ADAMTSL1: variants seen among roughly 807,000 people sequenced by gnomAD.
ADAMTSL1 encodes the protein ADAMTS-like protein 1.
A neutral mutation model predicts 201.8 loss-of-function variants in ADAMTSL1; 126 were observed. The ratio of observed to expected loss-of-function variants is 0.62; its 90% confidence interval spans 0.54 to 0.72. The LOEUF (loss-of-function observed/expected upper bound fraction) is 0.72, where lower values mean the gene tolerates loss of function less well. ADAMTSL1 is among the 30% of genes least tolerant of loss of function. The pLI, the probability that ADAMTSL1 is intolerant of heterozygous loss-of-function variation, is 0.00. For synonymous variants in ADAMTSL1, 1,121 were observed against 903.4 expected (o/e 1.24, Z -4.32); for missense variants, 2,679 against 2,277.8 (o/e 1.18, Z -3.59).
At chr9:18,526,409 C>A (rs1303761243) in intron 2 of ADAMTSL1, among the ~76,000 whole-genome samples, 5 of 152,154 alleles carry the variant, frequency 3.3e-5, no homozygotes, top group African/African-American at 1.2e-4. Context: ...CAGTCTGTGT[C>A]TTTTAATTGG....
intron 19 of ADAMTSL1, among the ~76,000 whole-genome samples, chr9:18,791,759 G>A (rs565715999): frequency 2.6e-5 from 4 of 152,258 alleles, no homozygotes; most frequent in African/African-American, 7.2e-5. Context: ...TATGTATATA[G>A]TGTTTATGGA....
intron 4 of ADAMTSL1, among the ~76,000 whole-genome samples, chr9:18,585,769 C>A (rs1823447509): frequency 1.3e-5 from 2 of 152,122 alleles, no homozygotes; most frequent in African/African-American, 4.8e-5. Flanking sequence ...AGCAACTAGG[C>A]TTTATCCCAG....
At chr9:18,413,404 A>G (rs1327675569) in intron 2 of ADAMTSL1, among the ~76,000 whole-genome samples, 2 of 152,032 alleles carry the variant, frequency 1.3e-5, no homozygotes, top group African/African-American at 2.4e-5. Context: ...ACCTCAGGTG[A>G]TCCACCCGCC....
intron 6 of ADAMTSL1, among the ~76,000 whole-genome samples, chr9:18,638,067 A>G (rs1726042402): frequency 6.6e-6 from 1 of 152,020 alleles, no homozygotes; most frequent in African/African-American, 2.4e-5. Context: ...CCTCCCTGCA[A>G]TATTCCTTTA....
intron 4 of ADAMTSL1, among the ~76,000 whole-genome samples, chr9:18,594,712 ACT>A (rs1264137101): frequency 1.3e-5 from 2 of 151,716 alleles, no homozygotes; most frequent in Non-Finnish European, 2.9e-5. Flanking sequence ...TTTTGAATGA[ACT>A]CTCTGTCTCT....
At chr9:18,206,433 A>C (rs1829651444) in intron 2 of ADAMTSL1, among the ~76,000 whole-genome samples, 1 of 152,016 alleles carries the variant, frequency 6.6e-6, no homozygotes, top group Non-Finnish European at 1.5e-5. Context: ...CTTTCTCTTT[A>C]ATGAAGCTAT....
At chr9:18,409,378 C>T (rs1206962925) in intron 2 of ADAMTSL1, among the ~76,000 whole-genome samples, 2 of 103,592 alleles carry the variant, frequency 1.9e-5, no homozygotes, top group Non-Finnish European at 3.7e-5. Context: ...ATTGAAACTC[C>T]GTCTCAAAAA....
At chr9:18,599,927 C>A (rs967263814) in intron 4 of ADAMTSL1, among the ~76,000 whole-genome samples, 1 of 138,404 alleles carries the variant, frequency 7.2e-6, no homozygotes, top group South Asian at 2.2e-4. Context: ...CCGAGGCGGG[C>A]AGATCAGAAG....
intron 26 of ADAMTSL1, among the ~76,000 whole-genome samples, chr9:18,897,992 A>G (rs1181707112): frequency 6.6e-6 from 1 of 150,848 alleles, no homozygotes; most frequent in Non-Finnish European, 1.5e-5. Flanking sequence ...CCTGGCCAAT[A>G]TGGTAAAACC....
chr9:18,324,792 A>T (rs1218692859), intron 2 of ADAMTSL1, among the ~76,000 whole-genome samples: 2 of 152,064 alleles, frequency 1.3e-5, no homozygotes, highest in South Asian at 4.1e-4. Context: ...ACTACATCAA[A>T]ATTTTAAATG....
intron 1 of ADAMTSL1, among the ~76,000 whole-genome samples, chr9:18,030,935 C>T (rs1820925160): frequency 1.3e-5 from 2 of 151,868 alleles, no homozygotes; most frequent in Admixed American, 1.3e-4. Flanking sequence ...AATTTTTTTC[C>T]TGAGCTTGGT....
At chr9:18,440,452 C>T (rs1040197543) in intron 2 of ADAMTSL1, among the ~76,000 whole-genome samples, 1 of 151,494 alleles carries the variant, frequency 6.6e-6, no homozygotes, top group African/African-American at 2.4e-5. Flanking sequence ...CCATCCTGCT[C>T]ATTCAATAAG....
intron 2 of ADAMTSL1, among the ~76,000 whole-genome samples, chr9:18,308,614 C>T (rs1456419370): frequency 2.0e-5 from 3 of 149,706 alleles, no homozygotes; most frequent in Non-Finnish European, 4.4e-5. Context: ...CCTGGACACA[C>T]ACCTTCCCCA....
intron 19 of ADAMTSL1, among the ~76,000 whole-genome samples, chr9:18,779,609 C>T (rs765299329): frequency 1.3e-5 from 2 of 152,242 alleles, no homozygotes; most frequent in Non-Finnish European, 2.9e-5. Flanking sequence ...CCTCTGTCCA[C>T]GCCCTCCAGC....
chr9:18,498,984 A>T (rs1822689098), intron 1 of ADAMTSL1, among the ~76,000 whole-genome samples: 1 of 152,270 alleles, frequency 6.6e-6, no homozygotes, highest in Admixed American at 6.5e-5. Flanking sequence ...GCAAAAGCGC[A>T]CTGGAATGTG....
chr9:18,030,227 A>T (rs1820888135), intron 1 of ADAMTSL1, among the ~76,000 whole-genome samples: 1 of 152,236 alleles, frequency 6.6e-6, no homozygotes. Context: ...ATAAAAAATG[A>T]TGAGTTCTTG....
chr9:18,598,701 G>A (rs578174885), intron 4 of ADAMTSL1, among the ~76,000 whole-genome samples: 30 of 152,144 alleles, frequency 2.0e-4, no homozygotes, highest in Admixed American at 5.2e-4. Flanking sequence ...TAGAAATGCC[G>A]AGTGCAAACC....
intron 14 of ADAMTSL1, among the ~76,000 whole-genome samples, chr9:18,711,100 T>A (rs966489939): frequency 6.6e-6 from 1 of 152,186 alleles, no homozygotes; most frequent in Non-Finnish European, 1.5e-5. Flanking sequence ...CTGAAAATGA[T>A]TTACAAAAAT....
intron 1 of ADAMTSL1, among the ~76,000 whole-genome samples, chr9:18,127,765 A>G (rs1825799084): frequency 6.6e-6 from 1 of 152,196 alleles, no homozygotes. Context: ...GCACACAGAT[A>G]GTAGAAAATG....
Sources: allele counts gnomAD v4.1 joint callset (sites outside exome capture counted in the v4.1 genomes callset), GRCh38; gene constraint gnomAD v4.1.1; transcripts MANE v1.5; gene names NCBI Gene and HGNC (gene_info 2026-07-23, HGNC 2026-07-21).